Variants in LYST observed in about 807,000 individuals in gnomAD.
LYST encodes lysosomal-trafficking regulator.
Under a neutral mutation model 413.6 loss-of-function variants are expected in LYST, and 192 were observed. The ratio of observed to expected loss-of-function variants is 0.46; its 90% CI spans 0.41 to 0.52. The LOEUF (loss-of-function observed/expected upper bound fraction) is 0.52. Among genes scored for constraint, LYST ranks in the 20% least tolerant of loss-of-function variants. The pLI is 0.00. For synonymous variants in LYST, 1,525 were observed against 1,567.3 expected (o/e 0.97, Z 0.64); for missense variants, 3,815 against 4,499.9 (o/e 0.85, Z 4.35).
chr1:235,859,555 A>G (rs919645777), intron 1 of LYST, among the ~76,000 whole-genome samples: 1 of 151,732 alleles, frequency 6.6e-6, no homozygotes, highest in South Asian at 2.1e-4. Context: ...CAAAGGAAAT[A>G]AAACAGCTAA....
intron 6 of LYST, 113 bp downstream of exon 6, chr1:235,805,628 AAT>A (rs59550727): frequency 4.2e-5 from 15 of 353,782 alleles, no homozygotes; most frequent in Admixed American, 9.6e-5. Flanking sequence ...ATAACACAAT[AAT>A]ATATATATTA....
rs112987289 is a variant in LYST at position 235,821,402 on chromosome 1, C to T, written c.193-8341G>A. Among the ~76,000 whole-genome samples, 940 of 152,186 alleles carry T rather than the reference C, an allele frequency of 6.2e-3. 18 individuals are homozygous for T. Among genetic ancestry groups the T allele is most frequent in the African/African-American group, 0.02 (837 of 41,530 alleles). ...CAGAGGGCTGAGATTGTGCCAATGC[C>T]CTCCAGCCTGCATGACAGAGTCTTT... is the stretch of plus-strand genomic sequence containing the variant. On this transcript the variant is annotated intron_variant, in intron 3 of 52. Transcript: ENST00000389793.
intron 20 of LYST, among the ~76,000 whole-genome samples, chr1:235,767,284 G>A (rs1668237595): frequency 6.6e-6 from 1 of 151,948 alleles, no homozygotes; most frequent in African/African-American, 2.4e-5. Context: ...TTACTCTTGG[G>A]TATTACTGAA....
intron 1 of LYST, among the ~76,000 whole-genome samples, chr1:235,840,358 C>T (rs1030049798): frequency 6.6e-6 from 1 of 152,146 alleles, no homozygotes; most frequent in Non-Finnish European, 1.5e-5. Flanking sequence ...GAAGAAATTA[C>T]AGTAAGTTTG....
At chr1:235,826,784 C>A (rs1269907559) in intron 3 of LYST, among the ~76,000 whole-genome samples, 1 of 152,114 alleles carries the variant, frequency 6.6e-6, no homozygotes, top group African/African-American at 2.4e-5. Context: ...CAGGCTCAAG[C>A]AATCCTCTCA....
chr1:235,678,829 A>T (rs1178475064), intron 48 of LYST, among the ~76,000 whole-genome samples: 1 of 152,178 alleles, frequency 6.6e-6, no homozygotes. Flanking sequence ...TAAACAACAT[A>T]CTGTATAATA....
chr1:235,712,556 T>C (rs1662480339), intron 42 of LYST: 1 of 951,760 alleles, frequency 1.1e-6, no homozygotes, highest in African/African-American at 1.8e-5. Flanking sequence ...GGTTTATTTA[T>C]TGAATGAATG....
intron 24 of LYST, 112 bp from the exon 25 acceptor site, chr1:235,755,759 C>A: frequency 1.6e-6 from 1 of 626,396 alleles, no homozygotes. Flanking sequence ...TACAGAAGAA[C>A]ACAGAAAGCT....
chr1:235,665,998 A>G (rs931312724), intron 50 of LYST, among the ~76,000 whole-genome samples: 4 of 151,978 alleles, frequency 2.6e-5, no homozygotes, highest in Non-Finnish European at 5.9e-5. Context: ...TTCATTACAT[A>G]TAAGTAGAGG....
intron 25 of LYST, 48 bp from the exon 26 acceptor site, chr1:235,753,322 T>C: frequency 1.8e-6 from 2 of 1,141,862 alleles, no homozygotes; most frequent in Non-Finnish European, 1.3e-6. Flanking sequence ...AATCACAAAA[T>C]AAGAAAATAT....
intron 30 of LYST, among the ~76,000 whole-genome samples, chr1:235,743,347 T>C (rs1301608253): frequency 6.6e-6 from 1 of 152,196 alleles, no homozygotes; most frequent in Non-Finnish European, 1.5e-5. Flanking sequence ...AGTGAATCTG[T>C]ACTTGGTTTT....
chr1:235,844,314 A>G (rs1677548218), intron 1 of LYST, among the ~76,000 whole-genome samples: 1 of 152,236 alleles, frequency 6.6e-6, no homozygotes, highest in Admixed American at 6.5e-5. Flanking sequence ...ACATGAATAA[A>G]GGAATAAACA....
At chr1:235,878,180 G>T (rs1681222660) in intron 1 of LYST, among the ~76,000 whole-genome samples, 1 of 152,144 alleles carries the variant, frequency 6.6e-6, no homozygotes, top group Non-Finnish European at 1.5e-5. Flanking sequence ...AATCAGCAGA[G>T]CCCCAAGGCA....
chr1:235,878,155 A>G (rs564316677), intron 1 of LYST, among the ~76,000 whole-genome samples: 1 of 152,284 alleles, frequency 6.6e-6, no homozygotes, highest in East Asian at 1.9e-4. Flanking sequence ...ACGTGTTGGC[A>G]AGGTAGGGTA....
intron 10 of LYST, among the ~76,000 whole-genome samples, chr1:235,795,908 A>G (rs1419466474): frequency 6.6e-6 from 1 of 152,140 alleles, no homozygotes; most frequent in African/African-American, 2.4e-5. Context: ...TTATTACTAT[A>G]ATCAAATATA....
chr1:235,713,891 A>G (rs955691782), intron 42 of LYST, among the ~76,000 whole-genome samples: 1 of 152,248 alleles, frequency 6.6e-6, no homozygotes, highest in African/African-American at 2.4e-5. Context: ...TGAAGAAAAC[A>G]TAATATATGA....
rs778975523 is a variant in LYST at position 235,746,388 on chromosome 1, C to A, written c.7920G>T (p.Ala2640=). ...NPSQATETEL[A]QRLQRLTVLA... is the part of the protein sequence containing the mutation. ...AAACAGTGAGCCTCTGTAGTCTCTGCGCAAGTTCCGTTTCAGTTGCTTGGC... is the reference window on the plus strand; with the variant it reads ...AAACAGTGAGCCTCTGTAGTCTCTGAGCAAGTTCCGTTTCAGTTGCTTGGC... Residue 2640 remains alanine, a synonymous_variant, in exon 29 of 53, where the codon GCG becomes GCT. Transcript: ENST00000389793. 6.2e-7 allele frequency: 1 copy of A among 1,613,918 alleles called. No homozygotes were observed. Among genetic ancestry groups the A allele is most frequent in the South Asian group, 1.1e-5 (1 of 91,076 alleles).
intron 43 of LYST, 81 bp from the exon 44 acceptor site, chr1:235,709,389 C>G: frequency 8.9e-7 from 1 of 1,128,292 alleles, no homozygotes; most frequent in Non-Finnish European, 1.3e-6. Flanking sequence ...TAAGAGTTCA[C>G]AAAAATAGCT....
intron 1 of LYST, among the ~76,000 whole-genome samples, chr1:235,846,068 T>C (rs970002709): frequency 6.6e-6 from 1 of 151,950 alleles, no homozygotes; most frequent in African/African-American, 2.4e-5. Context: ...GGCCAACCAG[T>C]ACAAAAATAG....
Sources: allele counts gnomAD v4.1 joint callset (sites outside exome capture counted in the v4.1 genomes callset), GRCh38; gene constraint gnomAD v4.1.1; transcripts MANE v1.5; gene names NCBI Gene and HGNC (gene_info 2026-07-23, HGNC 2026-07-21).